PARD3B: variants seen among roughly 807,000 people sequenced by gnomAD.
The protein encoded by PARD3B is partitioning defective 3 homolog B.
PARD3B carries 103 observed loss-of-function variants against 130.2 expected under a neutral mutation model. The observed-to-expected ratio is 0.79, with a 90% CI of 0.67 to 0.93. The LOEUF (loss-of-function observed/expected upper bound fraction) is 0.93. Ranked by LOEUF, PARD3B falls within the 40% of genes least tolerant of loss-of-function variation. The pLI, the probability that PARD3B is intolerant of heterozygous loss-of-function variation, is 0.00. For missense variants in PARD3B, 1,609 were observed against 1,499.2 expected (o/e 1.07, Z -1.21); for synonymous variants, 583 against 553.2 (o/e 1.05, Z -0.76).
At chr2:205,306,463 A>G (rs764527400) in intron 18 of PARD3B, among the ~76,000 whole-genome samples, 15 of 152,210 alleles carry the variant, frequency 9.9e-5, no homozygotes, top group Non-Finnish European at 1.5e-4. Flanking sequence ...AGAGCTTCAC[A>G]TATCCCATTT....
chr2:205,467,016 C>A (rs1198223963), intron 20 of PARD3B, among the ~76,000 whole-genome samples: 1 of 152,200 alleles, frequency 6.6e-6, no homozygotes, highest in Non-Finnish European at 1.5e-5. Flanking sequence ...CCCAACCAGG[C>A]TTGGTATTAT....
intron 19 of PARD3B, among the ~76,000 whole-genome samples, chr2:205,438,151 C>T (rs1359119985): frequency 6.6e-6 from 1 of 152,106 alleles, no homozygotes; most frequent in Non-Finnish European, 1.5e-5. Context: ...GAAACACTCA[C>T]TGGTGCAGAG....
chr2:204,942,246 C>A (rs1688962226), intron 2 of PARD3B, among the ~76,000 whole-genome samples: 1 of 152,138 alleles, frequency 6.6e-6, no homozygotes, highest in African/African-American at 2.4e-5. Flanking sequence ...AACTGACTAG[C>A]TCTGGAAATG....
At chr2:204,841,199 T>A (rs2125587867) in intron 2 of PARD3B, among the ~76,000 whole-genome samples, 2 of 152,182 alleles carry the variant, frequency 1.3e-5, no homozygotes, top group South Asian at 4.1e-4. Flanking sequence ...CCCTCCTTCT[T>A]ATGTGATAGG....
At chr2:204,935,563 A>T (rs917015101) in intron 2 of PARD3B, among the ~76,000 whole-genome samples, 10 of 150,972 alleles carry the variant, frequency 6.6e-5, no homozygotes, top group East Asian at 1.9e-4. Context: ...AAGAATGTAA[A>T]ATATATATAT....
chr2:204,561,744 C>T (rs1054037893), intron 1 of PARD3B, among the ~76,000 whole-genome samples: 79 of 151,876 alleles, frequency 5.2e-4, no homozygotes, highest in African/African-American at 1.8e-3. Flanking sequence ...TACAGGTGCA[C>T]GCTACCACGC....
chr2:205,121,714 T>C lies in PARD3B; in HGVS notation c.930T>C (p.Asn310=), dbSNP rs187262553. 2.0e-3 allele frequency: 3,249 copies of C among 1,614,162 alleles called. 6 individuals carry two copies. Among genetic ancestry groups the C allele is most frequent in the Non-Finnish European group, 2.6e-3 (3,047 of 1,180,036 alleles). The change falls in exon 8 of 23, where the codon AAT becomes AAC. Residue 310 remains asparagine (N), a synonymous_variant. Transcript: ENST00000406610. This position sits in a 1 kb window ranked among gnomAD's most constrained non-coding sequence, Gnocchi z 5.0. The part of the protein sequence containing the change: ...VIGSLNIFGN[N]DGVLKTKVPP... ...GCTCTCTTAACATTTTTGGTAATAA[T>C]GATGGCGTTTTGAAAACCAAAGTGC...
At chr2:205,379,557 A>G (rs1338146786) in intron 18 of PARD3B, among the ~76,000 whole-genome samples, 3 of 152,186 alleles carry the variant, frequency 2.0e-5, no homozygotes, top group East Asian at 3.9e-4. Flanking sequence ...ATTATTTTAC[A>G]TTGTTATTTT....
chr2:205,451,145 C>T (rs1217802490), intron 20 of PARD3B, among the ~76,000 whole-genome samples: 1 of 152,192 alleles, frequency 6.6e-6, no homozygotes, highest in African/African-American at 2.4e-5. Flanking sequence ...TCTTGCCTTT[C>T]CCAGTGGCAA....
chr2:205,545,115 G>A (rs939090017), intron 21 of PARD3B, among the ~76,000 whole-genome samples: 5 of 152,100 alleles, frequency 3.3e-5, no homozygotes, highest in Admixed American at 1.3e-4. Flanking sequence ...GTGTTCTTTC[G>A]CCTCTCTGGA....
intron 18 of PARD3B, among the ~76,000 whole-genome samples, chr2:205,382,844 GA>G (rs2045501761): frequency 6.6e-6 from 1 of 151,930 alleles, no homozygotes. Context: ...GCATTTTCAG[GA>G]TAGCTCATGT....
chr2:204,874,951 A>C (rs1184716591), intron 2 of PARD3B, among the ~76,000 whole-genome samples: 1 of 152,156 alleles, frequency 6.6e-6, no homozygotes, highest in Non-Finnish European at 1.5e-5. Flanking sequence ...CACTGCATGA[A>C]TATATCTCAG....
intron 15 of PARD3B, among the ~76,000 whole-genome samples, chr2:205,208,201 C>T (rs375346100): frequency 3.8e-5 from 4 of 104,342 alleles, no homozygotes; most frequent in African/African-American, 1.7e-4. Context: ...ATAAATTAGG[C>T]ATTGATGGGA....
Position 204,887,666 on chromosome 2 carries a change from C to G in PARD3B, c.223-77486C>G, listed in dbSNP as rs934528879. ...TATTAACAGAGCACTATTCTATATG[C>G]AGCGCCATTTCATACCCTTTGGGTA... On this transcript the variant is annotated intron_variant, in intron 2 of 22. Coordinates refer to ENST00000406610, the MANE Select transcript of PARD3B (RefSeq NM_001302769.2). This position sits in a 1 kb window ranked among gnomAD's most constrained non-coding sequence, Gnocchi z 4.2. Among the ~76,000 whole-genome samples, 1 of 152,102 alleles carries G rather than the reference C, an allele frequency of 6.6e-6. No homozygotes were observed. Among genetic ancestry groups the G allele is most frequent in the Admixed American group, 6.6e-5 (1 of 15,244 alleles).
In PARD3B at chr2:205,011,811, A is replaced by G. The variant is rs1244732377; in HGVS notation, c.395-35770A>G. On this transcript the variant is annotated intron_variant, in intron 3 of 22. Transcript: ENST00000406610. The surrounding 1 kb of genome is among the most constrained non-coding windows in gnomAD (Gnocchi z 4.1). ...GTTTTCTGGGTTTTTTTTTTTTACA[A>G]CCATGCATCACACTCAGCCTCTGCA... is the stretch of plus-strand genomic sequence containing the variant. 1.3e-5 allele frequency among the ~76,000 whole-genome samples: 2 copies of G among 151,546 alleles called. No homozygotes were observed. Among genetic ancestry groups the G allele is most frequent in the South Asian group, 2.1e-4 (1 of 4,794 alleles).
At chr2:204,989,305 G>C (rs766663194) in intron 3 of PARD3B, among the ~76,000 whole-genome samples, 5 of 152,206 alleles carry the variant, frequency 3.3e-5, no homozygotes, top group African/African-American at 4.8e-5. Context: ...TGTAAGGTAG[G>C]GAAAAATTGG....
chr2:205,084,848 GTTCCT>G (rs1230214205), intron 4 of PARD3B, among the ~76,000 whole-genome samples: 11 of 151,726 alleles, frequency 7.2e-5, no homozygotes, highest in African/African-American at 2.4e-4. Flanking sequence ...TTCTCTATAT[GTTCCT>G]TTCCTTATAA....
intron 2 of PARD3B, among the ~76,000 whole-genome samples, chr2:204,946,555 C>T (rs1689335448): frequency 6.6e-6 from 1 of 152,186 alleles, no homozygotes; most frequent in South Asian, 2.1e-4. Context: ...ATTTATTTTG[C>T]TTCTAGGTCT....
chr2:204,988,390 TA>T (rs1403789949), intron 3 of PARD3B, among the ~76,000 whole-genome samples: 1 of 152,002 alleles, frequency 6.6e-6, no homozygotes, highest in Non-Finnish European at 1.5e-5. Context: ...GTTAATGGTA[TA>T]AAAAATAGAA....
Sources: allele counts gnomAD v4.1 joint callset (sites outside exome capture counted in the v4.1 genomes callset), GRCh38; gene constraint gnomAD v4.1.1; non-coding constraint Gnocchi (gnomAD v3.1); transcripts MANE v1.5; gene names NCBI Gene and HGNC (gene_info 2026-07-23, HGNC 2026-07-21).